VAT1: variants seen among roughly 807,000 people sequenced by gnomAD.
The protein encoded by VAT1 is NADPH-dependent quinone oxidoreductase VAT1.
VAT1 carries 24 observed loss-of-function variants against 33.3 expected under a neutral mutation model. That is an observed-to-expected ratio of 0.72 (90% CI 0.52 to 1.01). The LOEUF (loss-of-function observed/expected upper bound fraction) is 1.01. Ranked by LOEUF, VAT1 falls within the 50% of genes least tolerant of loss-of-function variation. VAT1 has a pLI of 0.00. For synonymous variants in VAT1, 212 were observed against 225.0 expected (o/e 0.94, Z 0.52); for missense variants, 436 against 533.7 (o/e 0.82, Z 1.80).
At chr17:43,021,606 T>TG (rs35999638) in intron 1 of VAT1, among the ~76,000 whole-genome samples, 659 of 49,386 alleles carry the variant, frequency 0.013, 5 homozygotes, top group Non-Finnish European at 0.019. Flanking sequence ...GTGGTTTTAA[T>TG]GGGGGGGGGG....
chr17:43,017,278 C>T (rs1271536837), intron 4 of VAT1, among the ~76,000 whole-genome samples: 2 of 150,532 alleles, frequency 1.3e-5, no homozygotes, highest in Non-Finnish European at 3.0e-5. Context: ...CAAGAATAAT[C>T]CCCAAACAAG....
intron 2 of VAT1, 102 bp downstream of exon 2, chr17:43,018,490 A>T: frequency 7.3e-7 from 1 of 1,362,760 alleles, no homozygotes; most frequent in Non-Finnish European, 1.0e-6. Context: ...AGGCCAAGGC[A>T]GCCTGGTGTT....
At chr17:43,018,967 A>T in intron 1 of VAT1, 168 bp from the exon 2 acceptor site, 1 of 721,320 alleles carries the variant, frequency 1.4e-6, no homozygotes, top group East Asian at 2.7e-5. Context: ...CAACAATAAC[A>T]ACTCACCTTT....
In VAT1 at chr17:43,015,774, G is replaced by T; in HGVS notation, c.*287C>A. The T allele has an allele frequency of 2.0e-6, 1 of 497,296 alleles. No homozygotes were observed. Among genetic ancestry groups the T allele is most frequent in the Non-Finnish European group, 3.6e-6 (1 of 275,672 alleles). The allele number at this position is 497,296 out of a possible 1,614,324, so 30.8% of individuals were successfully genotyped here. ...GGGACTGGCTAACCTTGGCACAAAA[G>T]CAGCACAGCAGGCCCGGGGAAAGGG... On this transcript the variant is annotated 3_prime_UTR_variant, in exon 6 of 6. Transcript: ENST00000355653.
At position 43,016,147 on chromosome 17, in the gene VAT1, G is replaced by A. The variant is rs1321320419; in HGVS notation, c.1099-3C>T. On this transcript the variant is annotated splice_region_variant and splice_polypyrimidine_tract_variant and intron_variant, in intron 5 of 5. Coordinates refer to ENST00000355653, the MANE Select transcript of VAT1 (RefSeq NM_006373.4). ...ATCTGTTTCATGGCATCAGCCACCTGGGGAGGAAGGAAAGATGCGGCTCCC... is the reference window on the plus strand; with the variant it reads ...ATCTGTTTCATGGCATCAGCCACCTAGGGAGGAAGGAAAGATGCGGCTCCC... 1 of 1,614,002 alleles carries A rather than the reference G, an allele frequency of 6.2e-7. No homozygotes were observed. Among genetic ancestry groups the A allele is most frequent in the Non-Finnish European group, 8.5e-7 (1 of 1,180,012 alleles).
chr17:43,020,676 G>C (rs1006952753), intron 1 of VAT1, among the ~76,000 whole-genome samples: 41 of 151,996 alleles, frequency 2.7e-4, no homozygotes, highest in African/African-American at 8.9e-4. Context: ...TCGGGAGTTC[G>C]AGACCAGACT....
At position 43,021,919 on chromosome 17, in the gene VAT1, C is replaced by T; in HGVS notation, c.387+17G>A. ...GTGGCCTGCGCAGCCCTGCCCTGCC[C>T]TACGCAACCCGCTCACCTTGCGGTC... is the stretch of plus-strand genomic sequence containing the variant. On this transcript the variant is annotated intron_variant, in intron 1 of 5. Transcript: ENST00000355653. 1 of 1,609,850 alleles carries T rather than the reference C, an allele frequency of 6.2e-7. No homozygotes were observed. The highest frequency in any genetic ancestry group is 8.5e-7 in the Non-Finnish European group (1 of 1,179,500).
At chr17:43,018,506 G>A in intron 2 of VAT1, 86 bp downstream of exon 2, 2 of 1,485,138 alleles carry the variant, frequency 1.3e-6, no homozygotes. Flanking sequence ...GTGTTGCCAT[G>A]ACAACAACCC....
rs759190538 is a variant in VAT1 at position 43,022,016 on chromosome 17, G to C, written c.307C>G (p.Leu103Val). Residue 103 changes from leucine to valine, a missense_variant, in exon 1 of 6, where the codon CTC becomes GTC. Coordinates refer to ENST00000355653, the MANE Select transcript of VAT1 (RefSeq NM_006373.4). The part of the protein sequence containing the change: ...LMARQGLYDR[L>V]PPLPVTPGME... Reference sequence around the variant, plus strand: ...CCCGGAGTGACAGGCAGAGGCGGGAGACGGTCGTACAGCCCCTGCCTAGCC... The same window carrying C: ...CCCGGAGTGACAGGCAGAGGCGGGACACGGTCGTACAGCCCCTGCCTAGCC... The C allele has an allele frequency of 6.2e-7, 1 of 1,608,050 alleles. No individual in the cohort carries two copies. Among genetic ancestry groups the C allele is most frequent in the Non-Finnish European group, 8.5e-7 (1 of 1,178,720 alleles).
At chr17:43,019,524 C>T (rs2050548473) in intron 1 of VAT1, 1 of 152,268 alleles carries the variant, frequency 6.6e-6, no homozygotes, top group African/African-American at 2.4e-5. Flanking sequence ...GTGTTTGAGC[C>T]AGCACTGGGA....
chr17:43,017,349 G>A (rs926442904), intron 4 of VAT1, among the ~76,000 whole-genome samples: 1 of 151,580 alleles, frequency 6.6e-6, no homozygotes, highest in Non-Finnish European at 1.5e-5. Flanking sequence ...TTGGGAGGCT[G>A]AGGCGGCTGG....
intron 4 of VAT1, 64 bp downstream of exon 4, chr17:43,017,777 C>T (rs2050532663): frequency 1.1e-5 from 17 of 1,501,300 alleles, no homozygotes; most frequent in Non-Finnish European, 1.5e-5. Context: ...GCCTCTATAT[C>T]CCACCCCTTA....
chr17:43,019,963 C>T (rs2050552964), intron 1 of VAT1, among the ~76,000 whole-genome samples: 2 of 152,120 alleles, frequency 1.3e-5, no homozygotes, highest in African/African-American at 4.8e-5. Flanking sequence ...TGAGGGCATG[C>T]TGGGGTCTTT....
chr17:43,018,894 A>G, intron 1 of VAT1, 95 bp from the exon 2 acceptor site: 3 of 1,218,890 alleles, frequency 2.5e-6, no homozygotes, highest in Non-Finnish European at 3.5e-6. Flanking sequence ...CTTCTTCCAA[A>G]TGAAGTAGCA....
intron 1 of VAT1, among the ~76,000 whole-genome samples, chr17:43,021,430 G>T (rs1293283709): frequency 6.6e-6 from 1 of 152,166 alleles, no homozygotes; most frequent in Non-Finnish European, 1.5e-5. Flanking sequence ...CACCCCCACA[G>T]ACCACGGGGC....
chr17:43,018,124 G>A lies in VAT1; in HGVS notation c.678C>T (p.His226=), dbSNP rs762061259. The A allele has an allele frequency of 1.1e-5, 17 of 1,613,906 alleles. No homozygotes were observed. The highest frequency in any genetic ancestry group is 1.3e-5 in the African/African-American group (1 of 74,846). The change falls in exon 3 of 6, where the codon CAC becomes CAT. Residue 226 remains histidine, a synonymous_variant. Coordinates refer to ENST00000355653, the MANE Select transcript of VAT1 (RefSeq NM_006373.4). ...TVFGTASASK[H]EALKENGVTH... is the part of the protein sequence containing the mutation. ...TGACCCCATTCTCCTTCAGTGCCTC[G>A]TGCTTGCTGGCCGAGGCCGTTCCGA... is the stretch of plus-strand genomic sequence containing the variant.
At chr17:43,021,063 G>A (rs150319483) in intron 1 of VAT1, among the ~76,000 whole-genome samples, 1 of 152,232 alleles carries the variant, frequency 6.6e-6, no homozygotes, top group East Asian at 1.9e-4. Context: ...ACCAGTTCAA[G>A]GCGCCGCACC....
chr17:43,017,961 C>T (rs974725523), intron 3 of VAT1, 31 bp from the exon 4 acceptor site: 1 of 1,613,834 alleles, frequency 6.2e-7, no homozygotes. Context: ...CCAAGAACAA[C>T]ATTAGGATCC....
At chr17:43,021,478 C>T (rs1313120729) in intron 1 of VAT1, among the ~76,000 whole-genome samples, 3 of 152,294 alleles carry the variant, frequency 2.0e-5, no homozygotes, top group African/African-American at 7.2e-5. Context: ...CGCTGTGCCC[C>T]CGCCCAACCC....
Sources: gnomAD v4.1 joint callset for allele counts (sites outside exome capture counted in the v4.1 genomes callset) on GRCh38, gnomAD v4.1.1 for gene constraint, MANE v1.5 for transcripts, NCBI Gene and HGNC (gene_info 2026-07-23, HGNC 2026-07-21) for gene names.